The following UBE2R2 variants were observed in gnomAD, a reference collection of about 807,000 sequenced individuals.
The protein encoded by UBE2R2 is ubiquitin-conjugating enzyme E2 R2.
UBE2R2 carries 1 observed loss-of-function variant against 27.8 expected under a neutral mutation model. The observed-to-expected ratio is 0.04, with a 90% confidence interval of 0.01 to 0.17. The LOEUF (loss-of-function observed/expected upper bound fraction) is 0.17. Ranked by LOEUF, UBE2R2 falls within the 10% of genes least tolerant of loss-of-function variation. UBE2R2 has a pLI of 1.00. For synonymous variants in UBE2R2, 106 were observed against 113.3 expected (o/e 0.94, Z 0.41); for missense variants, 100 against 291.0 (o/e 0.34, Z 4.78).
At chr9:33,899,200 T>C (rs1822189962) in intron 2 of UBE2R2, among the ~76,000 whole-genome samples, 1 of 152,092 alleles carries the variant, frequency 6.6e-6, no homozygotes, top group South Asian at 2.1e-4. Flanking sequence ...TGAGTCTTGA[T>C]TTATTATGTT....
intron 1 of UBE2R2, among the ~76,000 whole-genome samples, chr9:33,864,119 G>A (rs895158127): frequency 6.6e-5 from 10 of 152,140 alleles, no homozygotes; most frequent in African/African-American, 2.4e-4. Flanking sequence ...GAGCCACCAT[G>A]TCTGGCCTGA....
Position 33,884,198 on chromosome 9 carries a change from ATCTCTCTCTCTCTC to A in UBE2R2, c.178-2659_178-2646del, listed in dbSNP as rs777923492. 2.7e-4 allele frequency among the ~76,000 whole-genome samples: 17 copies of A among 63,474 alleles called. No individual in the cohort carries two copies. In the East Asian group the frequency reaches 8.2e-3, roughly 31 times the overall value. The allele number at this position is 63,474 out of a possible 152,430, so 41.6% of individuals were successfully genotyped here. A position where few individuals can be genotyped will look rare whatever the true frequency, so the allele number is the denominator to read the frequency against. On this transcript the variant is annotated intron_variant, in intron 1 of 4. Transcript: ENST00000263228. The stretch of plus-strand genomic sequence containing the variant: ...AGTTTTTGTACTTAACAACTTAAGA[ATCTCTCTCTCTCTC>A]TCTCTCTCTCTCTCTCTCTCTCTTC...
At chr9:33,906,792 C>A (rs1587482234) in intron 3 of UBE2R2, among the ~76,000 whole-genome samples, 1 of 152,288 alleles carries the variant, frequency 6.6e-6, no homozygotes, top group Non-Finnish European at 1.5e-5. Flanking sequence ...ATCCTAGCAA[C>A]TTGGGAGGCC....
chr9:33,903,281 C>A (rs1587480389), intron 3 of UBE2R2, among the ~76,000 whole-genome samples: 1 of 152,108 alleles, frequency 6.6e-6, no homozygotes, highest in East Asian at 1.9e-4. Context: ...AAAAAATCCC[C>A]AGTTGTACTT....
At chr9:33,832,522 C>T (rs1207275318) in intron 1 of UBE2R2, among the ~76,000 whole-genome samples, 6 of 151,328 alleles carry the variant, frequency 4.0e-5, no homozygotes, top group South Asian at 2.1e-4. Flanking sequence ...CTGCGCTTCG[C>T]GGCCAGCACC....
intron 1 of UBE2R2, among the ~76,000 whole-genome samples, chr9:33,873,488 T>C (rs964199592): frequency 2.0e-5 from 3 of 152,212 alleles, no homozygotes; most frequent in African/African-American, 7.2e-5. Context: ...CTTATGTATA[T>C]GCACTGTATA....
At chr9:33,859,747 TTATC>T (rs1318615202) in intron 1 of UBE2R2, among the ~76,000 whole-genome samples, 6 of 149,448 alleles carry the variant, frequency 4.0e-5, no homozygotes, top group African/African-American at 1.5e-4. Flanking sequence ...GTCCTTGTGG[TTATC>T]TAAGCCTTTT....
intron 1 of UBE2R2, among the ~76,000 whole-genome samples, chr9:33,825,117 G>A (rs1753234881): frequency 6.6e-6 from 1 of 152,084 alleles, no homozygotes; most frequent in African/African-American, 2.4e-5. Context: ...AAGATAGTAA[G>A]TGAAAGTATT....
At chr9:33,898,125 G>A (rs531397776) in intron 2 of UBE2R2, among the ~76,000 whole-genome samples, 47 of 151,850 alleles carry the variant, frequency 3.1e-4, no homozygotes, top group African/African-American at 1.0e-3. Flanking sequence ...TCGCTCTGCC[G>A]CCCAGGCTGG....
chr9:33,912,548 C>T (rs934153337), intron 4 of UBE2R2, among the ~76,000 whole-genome samples: 5 of 151,300 alleles, frequency 3.3e-5, no homozygotes, highest in Non-Finnish European at 7.4e-5. Context: ...TGCTTGAACC[C>T]GGGAGTTGAA....
intron 1 of UBE2R2, among the ~76,000 whole-genome samples, chr9:33,872,741 G>A (rs576774464): frequency 1.0e-4 from 15 of 145,564 alleles, no homozygotes; most frequent in Admixed American, 2.1e-4. Flanking sequence ...AGCCAAGACC[G>A]CACCACTGCA....
intron 1 of UBE2R2, among the ~76,000 whole-genome samples, 167 bp from the exon 2 acceptor site, chr9:33,886,713 CT>C (rs1388194868): frequency 6.7e-6 from 1 of 148,728 alleles, no homozygotes; most frequent in Non-Finnish European, 1.5e-5. Context: ...TAAGAACTTA[CT>C]AATGACCCTG....
chr9:33,872,049 C>G (rs1433337418), intron 1 of UBE2R2, among the ~76,000 whole-genome samples: 1 of 151,844 alleles, frequency 6.6e-6, no homozygotes, highest in African/African-American at 2.4e-5. Context: ...ATATATAGGT[C>G]AAATTTAAAA....
chr9:33,843,319 G>T (rs1463079840), intron 1 of UBE2R2, among the ~76,000 whole-genome samples: 1 of 151,432 alleles, frequency 6.6e-6, no homozygotes, highest in East Asian at 1.9e-4. Flanking sequence ...AAAGTGCTGG[G>T]ATTACAGGTG....
chr9:33,821,035 A>G (rs565665769), intron 1 of UBE2R2, among the ~76,000 whole-genome samples: 17 of 132,578 alleles, frequency 1.3e-4, no homozygotes, highest in South Asian at 7.2e-4. Flanking sequence ...TGGCCTTACT[A>G]TCTTTTTGTG....
At chr9:33,821,424 C>T (rs952824917) in intron 1 of UBE2R2, among the ~76,000 whole-genome samples, 9 of 151,990 alleles carry the variant, frequency 5.9e-5, no homozygotes, top group Non-Finnish European at 2.9e-5. Context: ...ACCCAAAGTG[C>T]TGGTTTTACA....
At chr9:33,817,138 C>CTCCG (rs1825794662), upstream of UBE2R2, among the ~76,000 whole-genome samples, 2 of 149,006 alleles carry the variant, frequency 1.3e-5, no homozygotes, top group Non-Finnish European at 3.0e-5. Context: ...TCCTCCCTCT[C>CTCCG]TCCCTCCCTC....
intron 1 of UBE2R2, among the ~76,000 whole-genome samples, chr9:33,857,016 C>G (rs2130761626): frequency 6.6e-6 from 1 of 150,890 alleles, no homozygotes; most frequent in Non-Finnish European, 1.5e-5. Context: ...CCTGCCTTAG[C>G]CTCCCGAGTA....
At chr9:33,891,318 A>C (rs796464669) in intron 2 of UBE2R2, among the ~76,000 whole-genome samples, 5 of 149,580 alleles carry the variant, frequency 3.3e-5, no homozygotes, top group African/African-American at 9.7e-5. Context: ...GGATTACAGG[A>C]GTGAGCCACC....
Sources: gnomAD v4.1 joint callset for allele counts (sites outside exome capture counted in the v4.1 genomes callset) on GRCh38, gnomAD v4.1.1 for gene constraint, MANE v1.5 for transcripts, NCBI Gene and HGNC (gene_info 2026-07-23, HGNC 2026-07-21) for gene names.